The following MARK4 variants were observed in gnomAD, a reference collection of about 807,000 sequenced individuals.
MARK4 encodes microtubule affinity regulating kinase 4.
MARK4 carries 19 observed loss-of-function variants against 81.5 expected under a neutral mutation model. The observed-to-expected ratio is 0.23, with a 90% CI of 0.16 to 0.34. The LOEUF (loss-of-function observed/expected upper bound fraction) is 0.34, where lower values mean the gene tolerates loss of function less well. MARK4 is among the 10% of genes least tolerant of loss of function. MARK4 has a pLI of 1.00. For synonymous variants in MARK4, 436 were observed against 439.0 expected, an observed-to-expected ratio of 0.99 and a Z score of 0.08; for missense variants, 772 against 1,058.8, an observed-to-expected ratio of 0.73 and a Z score of 3.76.
At chr19:45,270,140 C>T (rs1303855429) in intron 7 of MARK4, among the ~76,000 whole-genome samples, 1 of 152,082 alleles carries the variant, frequency 6.6e-6, no homozygotes, top group Non-Finnish European at 1.5e-5. Context: ...GAAATGTTTA[C>T]TGATCACTGA....
chr19:45,255,165 T>G (rs1970291285), intron 1 of MARK4, among the ~76,000 whole-genome samples: 1 of 150,580 alleles, frequency 6.6e-6, no homozygotes, highest in African/African-American at 2.5e-5. Flanking sequence ...ATTACACCAC[T>G]GCACTTCAGC....
chr19:45,280,767 CCTT>C, intron 12 of MARK4, 33 bp downstream of exon 12: 4 of 1,610,188 alleles, frequency 2.5e-6, no homozygotes, highest in Non-Finnish European at 3.4e-6. Flanking sequence ...CACGCACCCT[CCTT>C]CTCCCCAAGG....
At chr19:45,251,742 G>A (rs544658246) in intron 1 of MARK4, 103 bp downstream of exon 1, 2 of 1,130,404 alleles carry the variant, frequency 1.8e-6, no homozygotes, top group African/African-American at 3.3e-5. Context: ...CTCGTTTCCT[G>A]GGCCCGACCC....
chr19:45,285,129 T>G (rs573126764), intron 12 of MARK4, among the ~76,000 whole-genome samples: 1 of 150,978 alleles, frequency 6.6e-6, no homozygotes, highest in Non-Finnish European at 1.5e-5. Flanking sequence ...CATGGTGGTG[T>G]GCACCTGTAA....
At chr19:45,253,863 T>G (rs1157460098) in intron 1 of MARK4, among the ~76,000 whole-genome samples, 2 of 152,178 alleles carry the variant, frequency 1.3e-5, no homozygotes, top group Admixed American at 6.5e-5. Context: ...CTCGGGCAAG[T>G]AACCTTACCT....
intron 13 of MARK4, among the ~76,000 whole-genome samples, chr19:45,289,182 G>A (rs1256801087): frequency 6.6e-6 from 1 of 151,970 alleles, no homozygotes; most frequent in Non-Finnish European, 1.5e-5. Context: ...GAGGTCAAGA[G>A]ATCGAGACCA....
intron 2 of MARK4, among the ~76,000 whole-genome samples, chr19:45,262,681 CAGTG>C (rs1970395279): frequency 6.6e-6 from 1 of 152,220 alleles, no homozygotes; most frequent in Admixed American, 6.5e-5. Context: ...GCAGTGGAGA[CAGTG>C]AGGACAGCTT....
chr19:45,266,020 G>A (rs186288917), intron 6 of MARK4, among the ~76,000 whole-genome samples: 5 of 152,054 alleles, frequency 3.3e-5, no homozygotes, highest in Admixed American at 3.3e-4. Flanking sequence ...GACATCCCTG[G>A]GCATGGGGGT....
At position 45,263,103 on chromosome 19, in the gene MARK4, C is replaced by T. The variant is rs1004982145; in HGVS notation, c.253-10C>T. 5 of 1,601,234 alleles carry T rather than the reference C, an allele frequency of 3.1e-6. No homozygotes were observed. The highest frequency in any genetic ancestry group is 2.2e-5 in the East Asian group (1 of 44,446). On this transcript the variant is annotated splice_polypyrimidine_tract_variant and intron_variant, in intron 2 of 16. Coordinates refer to ENST00000262891, the MANE Select transcript of MARK4 (RefSeq NM_001199867.2). ...CCTTGACCGTCCCTCCTCCTTTCCT[C>T]CCCCTCTAGGTTGCCATCAAGATTA...
rs1016892650 is a variant in MARK4 at position 45,303,626 on chromosome 19, C to G, written c.*916C>G. ...CTCCCAGCCACCATGTTACACTGGA[C>G]TCTAAGCCACTTCTTACTCCAGTAG... On this transcript the variant is annotated 3_prime_UTR_variant, in exon 17 of 17. Transcript: ENST00000262891. 2.6e-5 allele frequency: 4 copies of G among 152,202 alleles called. No individual in the cohort carries two copies. The highest frequency in any genetic ancestry group is 2.0e-4 in the Admixed American group (3 of 15,252). 9.4% of individuals were successfully genotyped at this position (152,202 alleles called of 1,614,324 possible). A position where few individuals can be genotyped will look rare whatever the true frequency, so the allele number is the denominator to read the frequency against.
At position 45,304,941 on chromosome 19, in the gene MARK4, G is replaced by A. The variant is rs1478313795; in HGVS notation, c.*2231G>A. 2 of 152,480 alleles carry A rather than the reference G, an allele frequency of 1.3e-5. No homozygotes were observed. Among genetic ancestry groups the A allele is most frequent in the African/African-American group, 4.8e-5 (2 of 41,450 alleles). The allele number at this position is 152,480 out of a possible 1,614,324, so 9.4% of individuals were successfully genotyped here. A position where few individuals can be genotyped will look rare whatever the true frequency, so the allele number is the denominator to read the frequency against. ...TAGGGGCGTCAGTAGGGCCTTGAAGGTTATGGACAGGGGCCTGGGCTTTCT... is the reference window on the plus strand; with the variant it reads ...TAGGGGCGTCAGTAGGGCCTTGAAGATTATGGACAGGGGCCTGGGCTTTCT... On this transcript the variant is annotated 3_prime_UTR_variant, in exon 17 of 17. Transcript: ENST00000262891.
intron 12 of MARK4, among the ~76,000 whole-genome samples, chr19:45,285,844 A>G (rs1440071422): frequency 2.0e-5 from 3 of 152,202 alleles, no homozygotes. Context: ...CTCAAGTTTG[A>G]GATCACTTTT....
At chr19:45,262,075 T>A (rs1970387813) in intron 2 of MARK4, among the ~76,000 whole-genome samples, 1 of 152,214 alleles carries the variant, frequency 6.6e-6, no homozygotes, top group Admixed American at 6.6e-5. Context: ...AGTTCAAATC[T>A]GGGCCACAAC....
chr19:45,294,596 C>T (rs1452757364), intron 14 of MARK4, 144 bp downstream of exon 14: 10 of 699,172 alleles, frequency 1.4e-5, no homozygotes, highest in South Asian at 3.5e-5. Context: ...TTGGCAGAAT[C>T]GACCCATGTA....
intron 8 of MARK4, among the ~76,000 whole-genome samples, chr19:45,275,773 G>A (rs372924781): frequency 6.6e-5 from 10 of 152,328 alleles, no homozygotes; most frequent in South Asian, 2.1e-4. Flanking sequence ...CGTTATAACC[G>A]GGCTTCGCGG....
intron 10 of MARK4, 73 bp from the exon 11 acceptor site, chr19:45,280,301 C>CAA: frequency 7.5e-7 from 1 of 1,341,390 alleles, no homozygotes; most frequent in Non-Finnish European, 1.1e-6. Flanking sequence ...CACCCTGTCT[C>CAA]AAAAAAAAAG....
intron 8 of MARK4, among the ~76,000 whole-genome samples, chr19:45,276,822 A>T (rs1399839833): frequency 6.8e-6 from 1 of 147,064 alleles, no homozygotes; most frequent in African/African-American, 2.5e-5. Flanking sequence ...TTTAGTAGAG[A>T]TGGGGTTTCG....
intron 8 of MARK4, among the ~76,000 whole-genome samples, chr19:45,274,234 G>A (rs1970570278): frequency 6.6e-6 from 1 of 152,112 alleles, no homozygotes; most frequent in Non-Finnish European, 1.5e-5. Context: ...GGGCAACAGA[G>A]CGAGACTCCA....
intron 14 of MARK4, among the ~76,000 whole-genome samples, chr19:45,296,854 A>G (rs1265018774): frequency 1.3e-5 from 2 of 152,156 alleles, no homozygotes; most frequent in Admixed American, 6.5e-5. Context: ...GTTTGAGACC[A>G]GCCTGGCCAA....
Sources: allele counts gnomAD v4.1 joint callset (sites outside exome capture counted in the v4.1 genomes callset), GRCh38; gene constraint gnomAD v4.1.1; transcripts MANE v1.5; gene names NCBI Gene and HGNC (gene_info 2026-07-23, HGNC 2026-07-21).